The following ANK3 variants were observed in gnomAD, a reference collection of about 807,000 sequenced individuals.
The protein encoded by ANK3 is ankyrin-3.
In ANK3, 57 loss-of-function variants were observed where a neutral mutation model predicts 370.9. The ratio of observed to expected loss-of-function variants is 0.15; its 90% CI spans 0.12 to 0.19. The LOEUF is 0.19. Ranked by LOEUF, ANK3 falls within the 10% of genes least tolerant of loss-of-function variation. The pLI is 1.00. For synonymous variants in ANK3, 1,929 were observed against 1,946.3 expected (o/e 0.99, Z 0.23); for missense variants, 4,439 against 5,302.1 (o/e 0.84, Z 5.06).
In ANK3 at chr10:60,042,749, CCTT is replaced by C; in HGVS notation, c.13073_13075del (p.Glu4358del). 1 of 1,613,316 alleles carries C rather than the reference CCTT, an allele frequency of 6.2e-7. No homozygotes were observed. Among genetic ancestry groups the C allele is most frequent in the Non-Finnish European group, 8.5e-7 (1 of 1,179,928 alleles). On this transcript the variant is annotated inframe_deletion, in exon 43 of 44. Transcript: ENST00000280772. ...TTCTTTCTTCGTTTTCACCTTAAAACCTTCTCCCTGCTTTGAAAGGAGTGTACA... is the reference window on the plus strand; with the variant it reads ...TTCTTTCTTCGTTTTCACCTTAAAACCTCCCTGCTTTGAAAGGAGTGTACA...
At chr10:60,648,767 T>TAAAAAAAAA (rs796546062) in intron 1 of ANK3, among the ~76,000 whole-genome samples, 3 of 112,254 alleles carry the variant, frequency 2.7e-5, no homozygotes, top group East Asian at 2.6e-4. Flanking sequence ...AAGACTGTCT[T>TAAAAAAAAA]AAAAAAAAAA....
At chr10:60,121,748 A>C (rs1190735081) in intron 25 of ANK3, among the ~76,000 whole-genome samples, 3 of 152,120 alleles carry the variant, frequency 2.0e-5, no homozygotes, top group Non-Finnish European at 4.4e-5. Flanking sequence ...GAGTGACTAC[A>C]GTCAAAAGTA....
intron 2 of ANK3, among the ~76,000 whole-genome samples, chr10:60,614,037 G>T (rs2078235934): frequency 6.6e-6 from 1 of 152,104 alleles, no homozygotes; most frequent in African/African-American, 2.4e-5. Context: ...TCATACCACT[G>T]CACTCCAGCC....
At chr10:60,225,087 A>AT (rs1388356261) in intron 8 of ANK3, among the ~76,000 whole-genome samples, 1 of 151,562 alleles carries the variant, frequency 6.6e-6, no homozygotes. Context: ...TTATTTTTAC[A>AT]TTTTTTGTAG....
At chr10:60,394,669 C>CCATAT (rs1464899984), upstream of ANK3, among the ~76,000 whole-genome samples, 1 of 152,162 alleles carries the variant, frequency 6.6e-6, no homozygotes, top group Admixed American at 6.5e-5. Flanking sequence ...GCCCCCACAA[C>CCATAT]CATATCTGTG....
intron 1 of ANK3, among the ~76,000 whole-genome samples, chr10:60,280,248 C>T (rs891651456): frequency 2.0e-5 from 3 of 152,116 alleles, no homozygotes; most frequent in East Asian, 3.9e-4. Flanking sequence ...TTTTTAGAGA[C>T]GGGGTCTCAC....
chr10:60,339,102 GA>G (rs545844423), intron 1 of ANK3, among the ~76,000 whole-genome samples: 3,128 of 149,298 alleles, frequency 0.021, 95 homozygotes, highest in African/African-American at 0.07. Context: ...TTATTTGATA[GA>G]AAAAAAAAAT....
Position 60,579,869 on chromosome 10 carries a change from C to T in ANK3, c.96+35317G>A, listed in dbSNP as rs1489130223. 5.3e-5 allele frequency among the ~76,000 whole-genome samples: 8 copies of T among 152,140 alleles called. No homozygotes were observed. The South Asian group carries it at 8.3e-4, about 16-fold the overall frequency. ...AATATGCCCCTAATCTTAAATGATTCGTACATTTAAGACATGGTAAAATGA... is the reference window on the plus strand; with the variant it reads ...AATATGCCCCTAATCTTAAATGATTTGTACATTTAAGACATGGTAAAATGA... On this transcript the variant is annotated intron_variant, in intron 2 of 43. Transcript: ENST00000373827.
At chr10:60,595,228 C>T (rs1474185782) in intron 2 of ANK3, among the ~76,000 whole-genome samples, 1 of 152,000 alleles carries the variant, frequency 6.6e-6, no homozygotes, top group African/African-American at 2.4e-5. Context: ...AGGAGAATTG[C>T]AATAGTGAAA....
chr10:60,411,394 A>C (rs1188372771), intron 2 of ANK3, among the ~76,000 whole-genome samples: 1 of 152,216 alleles, frequency 6.6e-6, no homozygotes, highest in African/African-American at 2.4e-5. Flanking sequence ...TGTGCTATTA[A>C]GGATAAGTAG....
chr10:60,389,361 T>G, intron 1 of ANK3, 64 bp downstream of exon 1: 1 of 1,469,974 alleles, frequency 6.8e-7, no homozygotes, highest in Non-Finnish European at 9.4e-7. Flanking sequence ...TTCTAACAGA[T>G]GCCAGAGGGA....
intron 2 of ANK3, among the ~76,000 whole-genome samples, chr10:60,439,509 A>C (rs572758414): frequency 5.5e-4 from 83 of 152,260 alleles, no homozygotes; most frequent in Admixed American, 9.2e-4. Flanking sequence ...AAAACAACAA[A>C]AAAAAATAAT....
At position 60,666,841 on chromosome 10, in the gene ANK3, A is replaced by T. The variant is rs1434997270; in HGVS notation, c.58-51617T>A. On this transcript the variant is annotated intron_variant, in intron 1 of 43. Coordinates refer to the ANK3 transcript ENST00000373827. ...ACATACCCCATGGCAAATCTTATTC[A>T]AGATGATAACTCTTCTCTTAAATCT... Among the ~76,000 whole-genome samples, 3 of 152,304 alleles carry T rather than the reference A, an allele frequency of 2.0e-5. No individual in the cohort carries two copies. The East Asian group carries it at 5.8e-4, about 29-fold the overall frequency.
intron 1 of ANK3, among the ~76,000 whole-genome samples, chr10:60,336,467 T>C (rs989192990): frequency 3.3e-5 from 5 of 152,182 alleles, no homozygotes; most frequent in African/African-American, 1.2e-4. Context: ...CAGGAATGCA[T>C]TTCTTTTTGC....
At chr10:60,398,022 T>A (rs181848900) in intron 2 of ANK3, among the ~76,000 whole-genome samples, 196 of 152,314 alleles carry the variant, frequency 1.3e-3, no homozygotes, top group African/African-American at 4.4e-3. Flanking sequence ...TCAGCAAACA[T>A]TTTTGTAAAG....
chr10:60,106,942 T>C (rs992025084), intron 27 of ANK3, among the ~76,000 whole-genome samples: 6 of 152,198 alleles, frequency 3.9e-5, no homozygotes, highest in African/African-American at 1.4e-4. Context: ...ATTATTCTCC[T>C]ACAGAGGTTG....
rs528888676 is a variant in ANK3, at chr10:60,051,808, C to T, written c.13065+3850G>A. Among the ~76,000 whole-genome samples the T allele has an allele frequency of 4.2e-5, 6 of 143,414 alleles. No individual in the cohort carries two copies. The East Asian group carries it at 1.0e-3, about 25-fold the overall frequency. 94.1% of individuals were successfully genotyped at this position (143,414 alleles called of 152,430 possible). A position where few individuals can be genotyped will look rare whatever the true frequency, so the allele number is the denominator to read the frequency against. Reference sequence around the variant, plus strand: ...GCATGTGTGTGTGTGTGTGTGTGTACAGGTAAAGATCAAGGTAGTTATAAG... The same window carrying T: ...GCATGTGTGTGTGTGTGTGTGTGTATAGGTAAAGATCAAGGTAGTTATAAG... On this transcript the variant is annotated intron_variant, in intron 42 of 43. Transcript: ENST00000280772.
rs541009892 is a variant in ANK3 at position 60,042,897 on chromosome 10, G to A, written c.13066-138C>T. On this transcript the variant is annotated intron_variant, in intron 42 of 43. Coordinates refer to ENST00000280772, the MANE Select transcript of ANK3 (RefSeq NM_020987.5). ...TTTGTCACTTCATGTCCAAAAATAC[G>A]TACAATCTTTAGCTTAACCACACAG... 4.0e-6 allele frequency: 6 copies of A among 1,491,906 alleles called. No individual in the cohort carries two copies. In the Admixed American group the frequency reaches 7.2e-5, roughly 18 times the overall value. The allele number at this position is 1,491,906 out of a possible 1,614,324, so 92.4% of individuals were successfully genotyped here.
At chr10:60,460,957 A>G (rs933649495) in intron 2 of ANK3, among the ~76,000 whole-genome samples, 2 of 152,196 alleles carry the variant, frequency 1.3e-5, no homozygotes, top group African/African-American at 4.8e-5. Flanking sequence ...TTCACTTTGC[A>G]GAGAAAGACA....
Sources: gnomAD v4.1 joint callset for allele counts (sites outside exome capture counted in the v4.1 genomes callset) on GRCh38, gnomAD v4.1.1 for gene constraint, MANE v1.5 for transcripts, NCBI Gene and HGNC (gene_info 2026-07-23, HGNC 2026-07-21) for gene names.